The following ZDHHC11B variants were observed in gnomAD, a reference collection of about 807,000 sequenced individuals.
ZDHHC11B encodes the protein probable palmitoyltransferase ZDHHC11B.
A neutral mutation model predicts 42.3 loss-of-function variants in ZDHHC11B; 17 were observed. The observed-to-expected ratio is 0.40, with a 90% CI of 0.27 to 0.60. The LOEUF (loss-of-function observed/expected upper bound fraction) is 0.60. ZDHHC11B is among the 20% of genes least tolerant of loss of function. ZDHHC11B has a pLI of 0.41. For missense variants in ZDHHC11B, 262 were observed against 463.2 expected (o/e 0.57, Z 3.99); for synonymous variants, 123 against 193.5 (o/e 0.64, Z 3.02).
chr5:748,769 G>C (rs1359634689), intron 7 of ZDHHC11B, among the ~76,000 whole-genome samples: 1 of 129,720 alleles, frequency 7.7e-6, no homozygotes, highest in African/African-American at 2.5e-5. Flanking sequence ...CTGCTTTATG[G>C]ATCTGGGAGG....
At chr5:716,067 G>A (rs960439076) in intron 13 of ZDHHC11B, among the ~76,000 whole-genome samples, 8 of 150,624 alleles carry the variant, frequency 5.3e-5, no homozygotes, top group Non-Finnish European at 1.2e-4. Context: ...GTAGACTTCA[G>A]GGTGTAAAGC....
chr5:770,209 C>A (rs1252365446), intron 1 of ZDHHC11B, among the ~76,000 whole-genome samples: 4 of 150,552 alleles, frequency 2.7e-5, no homozygotes. Flanking sequence ...CCAATGAGCA[C>A]CAGGACGTGG....
chr5:783,281 C>A (rs1383266766), intron 1 of ZDHHC11B, among the ~76,000 whole-genome samples: 1 of 152,248 alleles, frequency 6.6e-6, no homozygotes, highest in Non-Finnish European at 1.5e-5. Context: ...GCGCTGGCAC[C>A]GAGCGGCTGA....
intron 1 of ZDHHC11B, among the ~76,000 whole-genome samples, chr5:777,954 C>T (rs1429970610): frequency 6.6e-6 from 1 of 151,930 alleles, no homozygotes; most frequent in South Asian, 2.1e-4. Flanking sequence ...CGGCGGGTCC[C>T]GAGCCCTGCC....
At chr5:743,808 G>T (rs182142814) in intron 9 of ZDHHC11B, among the ~76,000 whole-genome samples, 1 of 149,664 alleles carries the variant, frequency 6.7e-6, no homozygotes, top group African/African-American at 2.5e-5. Context: ...AGGTTTCATC[G>T]TCTGCAAATA....
chr5:759,154 G>T (rs547195003), intron 4 of ZDHHC11B, among the ~76,000 whole-genome samples: 2 of 151,870 alleles, frequency 1.3e-5, no homozygotes, highest in Non-Finnish European at 2.9e-5. Context: ...TGGAAGTTTC[G>T]GTCTCAAGCT....
At chr5:744,864 C>CT (rs1290553944) in intron 9 of ZDHHC11B, among the ~76,000 whole-genome samples, 7 of 147,238 alleles carry the variant, frequency 4.8e-5, no homozygotes, top group Admixed American at 2.8e-4. Flanking sequence ...GAGCGAGACT[C>CT]TGTCTCAAAA....
At chr5:775,301 G>A (rs1451455861) in intron 1 of ZDHHC11B, among the ~76,000 whole-genome samples, 1 of 151,912 alleles carries the variant, frequency 6.6e-6, no homozygotes, top group African/African-American at 2.4e-5. Flanking sequence ...CCAGGCAGGT[G>A]CCCATGGTGG....
At chr5:757,838 C>T (rs1734071295) in intron 4 of ZDHHC11B, among the ~76,000 whole-genome samples, 1 of 151,836 alleles carries the variant, frequency 6.6e-6, no homozygotes, top group African/African-American at 2.4e-5. Context: ...GTGGTGGGAG[C>T]TAGGCAGTGC....
intron 4 of ZDHHC11B, among the ~76,000 whole-genome samples, chr5:766,444 C>T (rs1735386738): frequency 6.6e-6 from 1 of 151,906 alleles, no homozygotes; most frequent in African/African-American, 2.4e-5. Flanking sequence ...GGGTCAGTGG[C>T]TGCTCTGTCC....
intron 1 of ZDHHC11B, among the ~76,000 whole-genome samples, chr5:777,988 C>A (rs1196291160): frequency 6.6e-6 from 1 of 151,994 alleles, no homozygotes; most frequent in African/African-American, 2.4e-5. Flanking sequence ...GCTGAGGCCC[C>A]GCGAGAATTT....
At chr5:749,319 C>G (rs1391587934) in intron 7 of ZDHHC11B, among the ~76,000 whole-genome samples, 6 of 130,580 alleles carry the variant, frequency 4.6e-5, no homozygotes, top group African/African-American at 1.5e-4. Context: ...CACAACACTT[C>G]CAAAAATCAG....
intron 4 of ZDHHC11B, among the ~76,000 whole-genome samples, chr5:759,390 A>G (rs1220624966): frequency 2.6e-5 from 4 of 151,874 alleles, no homozygotes; most frequent in Admixed American, 1.3e-4. Flanking sequence ...CGTCTTATCA[A>G]TCCCTGCGGG....
intron 1 of ZDHHC11B, among the ~76,000 whole-genome samples, chr5:776,145 G>A (rs1406833965): frequency 1.3e-5 from 2 of 150,978 alleles, no homozygotes; most frequent in South Asian, 2.1e-4. Flanking sequence ...CCTGCCCAGA[G>A]TCCCTGGAGA....
intron 10 of ZDHHC11B, 48 bp from the exon 11 acceptor site, chr5:733,887 G>C (rs1211659304): frequency 6.5e-7 from 1 of 1,527,890 alleles, no homozygotes; most frequent in Non-Finnish European, 9.0e-7. Context: ...CTTTGTGGGG[G>C]GGCTCAGGGT....
chr5:776,136 C>T (rs1226807791), intron 1 of ZDHHC11B, among the ~76,000 whole-genome samples: 3 of 150,960 alleles, frequency 2.0e-5, no homozygotes, highest in Non-Finnish European at 3.0e-5. Context: ...GCCCTCAATC[C>T]TGCCCAGAGT....
At chr5:760,904 GTTC>G (rs1290374766) in intron 4 of ZDHHC11B, among the ~76,000 whole-genome samples, 1 of 150,994 alleles carries the variant, frequency 6.6e-6, no homozygotes, top group Non-Finnish European at 1.5e-5. Context: ...CCTGTGCAGC[GTTC>G]TTCTGAAACT....
chr5:732,924 G>A (rs1465648950), intron 11 of ZDHHC11B, among the ~76,000 whole-genome samples: 5 of 151,912 alleles, frequency 3.3e-5, no homozygotes, highest in Non-Finnish European at 4.4e-5. Context: ...GGGTGTGGTG[G>A]CACACACCTG....
In ZDHHC11B at chr5:742,144, A is replaced by AT. The variant is rs1386652462; in HGVS notation, c.901-517dup. ...AGGAGTTTGTTCAAATCTTTTGCCC[A>AT]TTTTTTATATGTATGTATGTATTTT... is the stretch of plus-strand genomic sequence containing the variant. On this transcript the variant is annotated intron_variant, in intron 9 of 13. Coordinates refer to ENST00000508859, the MANE Select transcript of ZDHHC11B (RefSeq NM_001351303.2). 3.0e-4 allele frequency among the ~76,000 whole-genome samples: 37 copies of AT among 125,222 alleles called. 1 individual carries two copies. Among genetic ancestry groups the AT allele is most frequent in the African/African-American group, 1.0e-3 (36 of 34,512 alleles). 82.2% of individuals were successfully genotyped at this position (125,222 alleles called of 152,430 possible). A position where few individuals can be genotyped will look rare whatever the true frequency, so the allele number is the denominator to read the frequency against.
Sources: allele counts gnomAD v4.1 joint callset (sites outside exome capture counted in the v4.1 genomes callset), GRCh38; gene constraint gnomAD v4.1.1; transcripts MANE v1.5; gene names NCBI Gene and HGNC (gene_info 2026-07-23, HGNC 2026-07-21).